PTPRA: variants seen among roughly 807,000 people sequenced by gnomAD.
PTPRA encodes the protein protein tyrosine phosphatase receptor type A.
Under a neutral mutation model 104.8 loss-of-function variants are expected in PTPRA, and 25 were observed. That is an observed-to-expected ratio of 0.24 (90% CI 0.17 to 0.33). The LOEUF (loss-of-function observed/expected upper bound fraction) is 0.33. Among genes scored for constraint, PTPRA ranks in the 10% least tolerant of loss-of-function variants. The probability of loss-of-function intolerance (pLI) is 1.00; values close to 1 mark genes in which losing one functional copy is unlikely to be tolerated. For missense variants in PTPRA, 765 were observed against 1,015.3 expected (o/e 0.75, Z 3.35); for synonymous variants, 323 against 368.9 (o/e 0.88, Z 1.43).
chr20:3,001,906 A>T (rs2063643945), intron 9 of PTPRA, among the ~76,000 whole-genome samples: 1 of 152,154 alleles, frequency 6.6e-6, no homozygotes, highest in Non-Finnish European at 1.5e-5. Context: ...TCCAGTAAAT[A>T]TATTTGCTCC....
chr20:3,025,281 C>T (rs1291371448), intron 17 of PTPRA, among the ~76,000 whole-genome samples: 1 of 151,114 alleles, frequency 6.6e-6, no homozygotes, highest in African/African-American at 2.4e-5. Context: ...GGTGAAACCC[C>T]GTCTCTACTA....
chr20:2,967,697 C>CA (rs1398979463), intron 5 of PTPRA, among the ~76,000 whole-genome samples: 1 of 152,040 alleles, frequency 6.6e-6, no homozygotes, highest in African/African-American at 2.4e-5. Context: ...CCCATCTCTA[C>CA]AAAAAATACA....
rs763430680 is a variant in PTPRA, at chr20:3,007,387, A to G, written c.873A>G (p.Pro291=). The G allele has an allele frequency of 1.9e-6, 3 of 1,614,050 alleles. No individual in the cohort carries two copies. The highest frequency in any genetic ancestry group is 2.2e-5 in the South Asian group (2 of 91,086). The change falls in exon 11 of 24, where the codon CCA becomes CCG. Residue 291 remains proline, a synonymous_variant. Coordinates refer to ENST00000399903, the MANE Select transcript of PTPRA (RefSeq NM_001385305.1). ...ACCTGACACCGGTTGAAGGGGTTCC[A>G]GATTCTGATTACATCAATGCTTCAT... The part of the protein sequence containing the change: ...RVHLTPVEGV[P]DSDYINASFI...
At position 3,015,836 on chromosome 20, in the gene PTPRA, C is replaced by G; in HGVS notation, c.907-13C>G. 3 of 1,544,418 alleles carry G rather than the reference C, an allele frequency of 1.9e-6. No individual in the cohort carries two copies. Among genetic ancestry groups the G allele is most frequent in the Non-Finnish European group, 2.7e-6 (3 of 1,119,208 alleles). The stretch of plus-strand genomic sequence containing the variant: ...GTTTTCTCTTTCTTTTTCTTTCCTT[C>G]CCCACACCCCAGGGCTACCAAGAAA... On this transcript the variant is annotated splice_polypyrimidine_tract_variant and intron_variant, in intron 11 of 23. Transcript: ENST00000399903.
chr20:2,933,423 G>T (rs920970929), intron 2 of PTPRA, among the ~76,000 whole-genome samples: 1 of 149,332 alleles, frequency 6.7e-6, no homozygotes, highest in Non-Finnish European at 1.5e-5. Flanking sequence ...CTTGTTTTTT[G>T]GGGTTCTTTC....
intron 9 of PTPRA, among the ~76,000 whole-genome samples, chr20:2,989,785 A>G (rs2063076241): frequency 1.3e-5 from 2 of 152,218 alleles, no homozygotes; most frequent in Admixed American, 1.3e-4. Context: ...TGGGAGGCCA[A>G]GGCGGGCGGA....
In PTPRA at chr20:3,035,772, A is replaced by G. The variant is rs1384986454; in HGVS notation, c.2047-18A>G. The G allele has an allele frequency of 1.2e-6, 2 of 1,614,136 alleles. No individual in the cohort carries two copies. Among genetic ancestry groups the G allele is most frequent in the African/African-American group, 1.3e-5 (1 of 75,016 alleles). ...AAGCAGGGTTACCCCTGCCTCCCTG[A>G]TCCCCTTTTTTCCAAAGGAGAATAA... On this transcript the variant is annotated intron_variant, in intron 21 of 23. Transcript: ENST00000399903. This position sits in a 1 kb window ranked among gnomAD's most constrained non-coding sequence, Gnocchi z 5.8.
chr20:2,930,675 C>T (rs2060472511), intron 2 of PTPRA, among the ~76,000 whole-genome samples: 1 of 152,002 alleles, frequency 6.6e-6, no homozygotes. Flanking sequence ...TGGCATTTTC[C>T]CTGTCTGTTT....
At chr20:2,968,179 T>C (rs535914377) in intron 5 of PTPRA, among the ~76,000 whole-genome samples, 2 of 152,338 alleles carry the variant, frequency 1.3e-5, no homozygotes, top group Admixed American at 1.3e-4. Context: ...GCAAATTGCA[T>C]CCTTACATAT....
chr20:2,990,645 C>T (rs1028949490), intron 9 of PTPRA, among the ~76,000 whole-genome samples: 5 of 152,276 alleles, frequency 3.3e-5, no homozygotes, highest in African/African-American at 1.2e-4. Flanking sequence ...GTGGGAGTAT[C>T]GCTTGAGCCT....
rs1027282042 is a variant in PTPRA, at chr20:3,022,201, G to T, written c.1309G>T (p.Ala437Ser). The T allele has an allele frequency of 1.1e-5, 17 of 1,614,074 alleles. No individual in the cohort carries two copies. In the African/African-American group the frequency reaches 2.0e-4, roughly 19 times the overall value. ...GGCCTGTAACCCTCAGTATGCAGGG[G>T]CCATCGTGGTCCACTGCAGGTCAGT... ...VKACNPQYAG[A>S]IVVHCSAGVG... The change falls in exon 15 of 24, where the codon GCC (alanine) becomes TCC (serine). Residue 437 changes from alanine to serine, a missense_variant. Ala to Ser is a moderately conservative substitution (Grantham distance 99). This residue lies in a region of PTPRA where 245 missense variants were observed against 398.7 expected (regional missense o/e 0.61). Coordinates refer to ENST00000399903, the MANE Select transcript of PTPRA (RefSeq NM_001385305.1). The surrounding 1 kb of genome is among the most constrained non-coding windows in gnomAD (Gnocchi z 4.6).
chr20:2,998,140 C>G (rs764242962), intron 9 of PTPRA, among the ~76,000 whole-genome samples: 2 of 150,232 alleles, frequency 1.3e-5, no homozygotes, highest in Non-Finnish European at 3.0e-5. Flanking sequence ...ACCGCACTGC[C>G]CTCCAGCCTC....
chr20:2,916,609 G>A (rs1198583037), intron 1 of PTPRA, among the ~76,000 whole-genome samples: 1 of 152,190 alleles, frequency 6.6e-6, no homozygotes, highest in Non-Finnish European at 1.5e-5. Flanking sequence ...GGAGGGTGAG[G>A]CAGAAAGATG....
chr20:3,013,517 A>G (rs575129500), intron 11 of PTPRA, among the ~76,000 whole-genome samples: 6 of 151,914 alleles, frequency 3.9e-5, no homozygotes, highest in East Asian at 3.9e-4. Context: ...GGTTCAAGCA[A>G]TTCTCCTGCC....
chr20:2,872,650 C>T (rs898014530), upstream of PTPRA, among the ~76,000 whole-genome samples: 6 of 152,228 alleles, frequency 3.9e-5, no homozygotes, highest in Non-Finnish European at 7.3e-5. The surrounding 1 kb of genome is among the most constrained non-coding windows in gnomAD (Gnocchi z 7.9). Context: ...CGCGGGGATC[C>T]GTGTAGGAAC....
intron 2 of PTPRA, among the ~76,000 whole-genome samples, chr20:2,946,835 G>A (rs1215794640): frequency 4.6e-5 from 7 of 151,558 alleles, no homozygotes; most frequent in East Asian, 1.9e-4. Flanking sequence ...GCAACAGAGC[G>A]AGACTCCTTC....
At chr20:2,980,472 C>T (rs958055498) in intron 6 of PTPRA, among the ~76,000 whole-genome samples, 6 of 151,930 alleles carry the variant, frequency 3.9e-5, no homozygotes, top group Admixed American at 1.3e-4. Context: ...GAGGATCGCT[C>T]GAACCAGGAG....
At chr20:2,896,569 A>G (rs1474523116) in intron 1 of PTPRA, among the ~76,000 whole-genome samples, 1 of 152,190 alleles carries the variant, frequency 6.6e-6, no homozygotes, top group Non-Finnish European at 1.5e-5. Context: ...ATTTTTCTGA[A>G]TCATTTGAGA....
intron 1 of PTPRA, among the ~76,000 whole-genome samples, chr20:2,914,694 C>T (rs2059837371): frequency 6.6e-6 from 1 of 152,102 alleles, no homozygotes; most frequent in Admixed American, 6.6e-5. Flanking sequence ...TGCTCAGCCC[C>T]ACCTAATGGT....
Sources: gnomAD v4.1 joint callset for allele counts (sites outside exome capture counted in the v4.1 genomes callset) on GRCh38, gnomAD v4.1.1 for gene constraint, gnomAD v4.1.1 regional missense constraint, Gnocchi (gnomAD v3.1) non-coding constraint, MANE v1.5 for transcripts, NCBI Gene and HGNC (gene_info 2026-07-23, HGNC 2026-07-21) for gene names.